CNTNAP2: variants seen among roughly 807,000 people sequenced by gnomAD.
CNTNAP2 encodes contactin-associated protein-like 2.
A neutral mutation model predicts 155.2 loss-of-function variants in CNTNAP2; 98 were observed. That is an observed-to-expected ratio of 0.63 (90% CI 0.54 to 0.75). The LOEUF is 0.75. Ranked by LOEUF, CNTNAP2 falls within the 30% of genes least tolerant of loss-of-function variation. The pLI is 0.00. For synonymous variants in CNTNAP2, 651 were observed against 631.2 expected, an observed-to-expected ratio of 1.03 and a Z score of -0.47; for missense variants, 1,727 against 1,688.1, an observed-to-expected ratio of 1.02 and a Z score of -0.40.
At chr7:146,246,792 C>T (rs1260637973) in intron 1 of CNTNAP2, among the ~76,000 whole-genome samples, 1 of 152,154 alleles carries the variant, frequency 6.6e-6, no homozygotes. Context: ...TAGGAGGAAT[C>T]CTGGGCTGCA....
At chr7:147,044,480 G>A (rs117585891) in intron 4 of CNTNAP2, among the ~76,000 whole-genome samples, 4 of 152,122 alleles carry the variant, frequency 2.6e-5, no homozygotes, top group East Asian at 3.9e-4. Context: ...GGTTCACTAA[G>A]TATCTCTCTT....
At chr7:147,464,104 T>G (rs1373495651) in intron 10 of CNTNAP2, among the ~76,000 whole-genome samples, 1 of 152,056 alleles carries the variant, frequency 6.6e-6, no homozygotes, top group Non-Finnish European at 1.5e-5. Flanking sequence ...GTATATATTG[T>G]GTGCTTTCCA....
chr7:146,628,487 A>G (rs1188631462), intron 1 of CNTNAP2, among the ~76,000 whole-genome samples: 2 of 152,150 alleles, frequency 1.3e-5, no homozygotes, highest in Admixed American at 6.6e-5. Flanking sequence ...GAGTGGATGT[A>G]AAGTATTGTC....
chr7:146,656,428 G>A (rs765678396), intron 1 of CNTNAP2, among the ~76,000 whole-genome samples: 5 of 152,130 alleles, frequency 3.3e-5, no homozygotes, highest in South Asian at 2.1e-4. Flanking sequence ...CTGTGAAACC[G>A]CTCAGTGTTA....
intron 1 of CNTNAP2, among the ~76,000 whole-genome samples, chr7:146,470,939 C>A (rs1024560113): frequency 6.6e-6 from 1 of 151,980 alleles, no homozygotes; most frequent in South Asian, 2.1e-4. Flanking sequence ...TAAGAGTAAG[C>A]CTTACTAACA....
chr7:147,180,839 G>A (rs1259236884), intron 8 of CNTNAP2, among the ~76,000 whole-genome samples: 2 of 152,072 alleles, frequency 1.3e-5, no homozygotes, highest in Non-Finnish European at 2.9e-5. Flanking sequence ...GTCATTATTT[G>A]CTGATCATAA....
intron 9 of CNTNAP2, among the ~76,000 whole-genome samples, chr7:147,300,772 A>G (rs888997762): frequency 2.0e-5 from 3 of 152,072 alleles, no homozygotes; most frequent in African/African-American, 7.2e-5. Context: ...TGCTTCCGGT[A>G]GGTCTCACTT....
rs935002497 is a variant in CNTNAP2, at chr7:147,743,683, C to T, written c.2098+104377C>T. 6.7e-5 allele frequency among the ~76,000 whole-genome samples: 6 copies of T among 89,456 alleles called. No homozygotes were observed. In the South Asian group the frequency reaches 3.2e-3, roughly 48 times the overall value. The allele number at this position is 89,456 out of a possible 152,430, so 58.7% of individuals were successfully genotyped here. Reference sequence around the variant, plus strand: ...TGCCATTTTCTCCTTCCTGACCTCTCATATTTTTTGTGACTTTTTTTTTCC... The same window carrying T: ...TGCCATTTTCTCCTTCCTGACCTCTTATATTTTTTGTGACTTTTTTTTTCC... On this transcript the variant is annotated intron_variant, in intron 13 of 23. Coordinates refer to ENST00000361727, the MANE Select transcript of CNTNAP2 (RefSeq NM_014141.6).
At chr7:146,537,912 A>G (rs1487488096) in intron 1 of CNTNAP2, among the ~76,000 whole-genome samples, 1 of 152,108 alleles carries the variant, frequency 6.6e-6, no homozygotes, top group Non-Finnish European at 1.5e-5. Flanking sequence ...AAGTCTTTAT[A>G]AGAATTTTGG....
At chr7:147,972,696 G>A (rs192951338) in intron 14 of CNTNAP2, among the ~76,000 whole-genome samples, 1 of 152,156 alleles carries the variant, frequency 6.6e-6, no homozygotes, top group Non-Finnish European at 1.5e-5. Context: ...TTTTTCCAAT[G>A]TACAAGCCCA....
intron 3 of CNTNAP2, among the ~76,000 whole-genome samples, chr7:146,938,479 T>C (rs1210709459): frequency 6.6e-6 from 1 of 150,948 alleles, no homozygotes; most frequent in African/African-American, 2.4e-5. Flanking sequence ...ATATAATATA[T>C]AAAACTACTT....
chr7:147,949,440 G>GTATATATATATATATA lies in CNTNAP2; in HGVS notation c.2256-28418_2256-28403dup, dbSNP rs57422437. Among the ~76,000 whole-genome samples, 765 of 127,250 alleles carry GTATATATATATATATA rather than the reference G, an allele frequency of 6.0e-3. 11 individuals carry two copies. Among genetic ancestry groups the GTATATATATATATATA allele is most frequent in the Middle Eastern group, 0.01 (2 of 196 alleles). The allele number at this position is 127,250 out of a possible 152,430, so 83.5% of individuals were successfully genotyped here. On this transcript the variant is annotated intron_variant, in intron 14 of 23. Transcript: ENST00000361727. Reference sequence around the variant, plus strand: ...TGTGTTGTTCAAGGATCAACTGTGTGTATATATATATATATATATTTTTTT... The same window carrying GTATATATATATATATA: ...TGTGTTGTTCAAGGATCAACTGTGTGTATATATATATATATATATATATATATATATATATTTTTTT...
intron 13 of CNTNAP2, among the ~76,000 whole-genome samples, chr7:147,727,395 T>C (rs1796663224): frequency 1.3e-5 from 2 of 152,060 alleles, no homozygotes; most frequent in Admixed American, 6.6e-5. Context: ...ACCCTGGCCA[T>C]GTTAATTCCA....
chr7:148,289,445 A>G (rs1383343743), intron 21 of CNTNAP2, among the ~76,000 whole-genome samples: 4 of 152,186 alleles, frequency 2.6e-5, no homozygotes, highest in Non-Finnish European at 5.9e-5. Flanking sequence ...CCCAGGGTGA[A>G]ATAGCAGAGA....
At chr7:146,799,065 T>C (rs868728324) in intron 2 of CNTNAP2, among the ~76,000 whole-genome samples, 4 of 152,212 alleles carry the variant, frequency 2.6e-5, no homozygotes, top group African/African-American at 7.2e-5. Context: ...ATCACTTGAA[T>C]TGATGTATTG....
intron 11 of CNTNAP2, among the ~76,000 whole-genome samples, chr7:147,506,980 T>C (rs369379197): frequency 1.3e-5 from 2 of 152,188 alleles, no homozygotes; most frequent in African/African-American, 4.8e-5. Flanking sequence ...ATGAAAATGA[T>C]TGTATTTACC....
intron 12 of CNTNAP2, among the ~76,000 whole-genome samples, chr7:147,615,222 C>G (rs1460903747): frequency 1.5e-5 from 1 of 65,738 alleles, no homozygotes; most frequent in Non-Finnish European, 2.8e-5. Flanking sequence ...TATAATCATG[C>G]CACTGCACTC....
At chr7:148,363,174 G>A (rs926191882) in intron 21 of CNTNAP2, among the ~76,000 whole-genome samples, 1 of 152,108 alleles carries the variant, frequency 6.6e-6, no homozygotes, top group African/African-American at 2.4e-5. Flanking sequence ...GTAGAGACGG[G>A]GTTTCTCCAT....
At chr7:146,129,595 C>G (rs1439438506) in intron 1 of CNTNAP2, among the ~76,000 whole-genome samples, 1 of 152,156 alleles carries the variant, frequency 6.6e-6, no homozygotes, top group East Asian at 1.9e-4. Context: ...ATCTTCTAGA[C>G]CTGGAACTAA....
Sources: allele counts gnomAD v4.1 joint callset (sites outside exome capture counted in the v4.1 genomes callset), GRCh38; gene constraint gnomAD v4.1.1; transcripts MANE v1.5; gene names NCBI Gene and HGNC (gene_info 2026-07-23, HGNC 2026-07-21).